Variants in BCL2 observed in about 807,000 individuals in gnomAD.
BCL2 encodes apoptosis regulator Bcl-2.
Under a neutral mutation model 14.2 loss-of-function variants are expected in BCL2, and 1 was observed. The observed-to-expected ratio is 0.07, with a 90% CI of 0.02 to 0.33. BCL2 has a LOEUF of 0.33. Among genes scored for constraint, BCL2 ranks in the 10% least tolerant of loss-of-function variants. BCL2 has a pLI of 0.99. For synonymous variants in BCL2, 151 were observed against 137.2 expected, an observed-to-expected ratio of 1.10 and a Z score of -0.70; for missense variants, 247 against 305.9, an observed-to-expected ratio of 0.81 and a Z score of 1.44.
At chr18:63,223,272 C>A (rs1910453748) in intron 2 of BCL2, among the ~76,000 whole-genome samples, 1 of 152,060 alleles carries the variant, frequency 6.6e-6, no homozygotes, top group African/African-American at 2.4e-5. Flanking sequence ...TGGTGGCGGG[C>A]ACCTGTAGTC....
chr18:63,169,948 T>C (rs1045327209), intron 2 of BCL2, among the ~76,000 whole-genome samples: 2 of 152,192 alleles, frequency 1.3e-5, no homozygotes, highest in Non-Finnish European at 2.9e-5. Context: ...TTTCAATGTT[T>C]TCCTTGCAAC....
At chr18:63,276,028 G>A (rs990610864) in intron 2 of BCL2, among the ~76,000 whole-genome samples, 1 of 152,154 alleles carries the variant, frequency 6.6e-6, no homozygotes, top group African/African-American at 2.4e-5. Context: ...AAGGGTTTAG[G>A]GCACAAAGGA....
intron 2 of BCL2, among the ~76,000 whole-genome samples, chr18:63,191,259 A>T (rs996710960): frequency 3.9e-5 from 6 of 152,178 alleles, no homozygotes; most frequent in Admixed American, 1.3e-4. Flanking sequence ...CTGGTTCTAG[A>T]TCCTTGAGGA....
intron 2 of BCL2, chr18:63,316,718 A>G (rs1024198256): frequency 2.0e-5 from 3 of 152,180 alleles, no homozygotes; most frequent in African/African-American, 7.2e-5. Context: ...CCTTTTCTCT[A>G]TTTGGCCTCC....
intron 2 of BCL2, chr18:63,317,724 G>T (rs1913540801): frequency 8.9e-7 from 1 of 1,124,086 alleles, no homozygotes; most frequent in Non-Finnish European, 1.1e-6. Context: ...CCTCCCTCCG[G>T]TTCCAACAAG....
At chr18:63,290,903 C>T (rs1017605528) in intron 2 of BCL2, among the ~76,000 whole-genome samples, 2 of 152,210 alleles carry the variant, frequency 1.3e-5, no homozygotes, top group African/African-American at 4.8e-5. Context: ...ACTCGGCCCT[C>T]TTTCCCAGGT....
rs938807940 is a variant in BCL2 at position 63,319,512 on chromosome 18, C to A, written c.-625G>T. The A allele has an allele frequency of 5.2e-5, 12 of 229,450 alleles. No individual in the cohort carries two copies. Among genetic ancestry groups the A allele is most frequent in the African/African-American group, 2.4e-4 (11 of 45,060 alleles). 14.2% of individuals were successfully genotyped at this position (229,450 alleles called of 1,614,324 possible). On this transcript the variant is annotated 5_prime_UTR_variant, in exon 1 of 3. Coordinates refer to ENST00000333681, the MANE Select transcript of BCL2 (RefSeq NM_000633.3). ...TCCTGTGATGTTTTCCCCTTCTCGGCAATTTACACGCGCGCACACACGCGC... is the reference window on the plus strand; with the variant it reads ...TCCTGTGATGTTTTCCCCTTCTCGGAAATTTACACGCGCGCACACACGCGC...
chr18:63,242,014 C>T (rs1336630317), intron 2 of BCL2, among the ~76,000 whole-genome samples: 2 of 152,294 alleles, frequency 1.3e-5, no homozygotes, highest in African/African-American at 2.4e-5. Context: ...ATGAGCACCC[C>T]GGCTGACATT....
intron 2 of BCL2, among the ~76,000 whole-genome samples, chr18:63,188,054 C>T (rs577115244): frequency 3.0e-4 from 46 of 152,024 alleles, no homozygotes; most frequent in Non-Finnish European, 5.6e-4. Flanking sequence ...TGTAAGTATA[C>T]GATCAAAGTT....
chr18:63,284,664 C>T (rs140890771), intron 2 of BCL2, among the ~76,000 whole-genome samples: 5 of 152,294 alleles, frequency 3.3e-5, no homozygotes, highest in Non-Finnish European at 5.9e-5. Flanking sequence ...AAGCTACCTT[C>T]AAATGTATGA....
intron 2 of BCL2, among the ~76,000 whole-genome samples, chr18:63,179,423 T>C (rs80030866): frequency 0.2 from 29,724 of 152,130 alleles, 3,734 homozygotes; most frequent in East Asian, 0.36. Context: ...CTAGGGCCCC[T>C]GGGGCTCTCA....
intron 2 of BCL2, among the ~76,000 whole-genome samples, chr18:63,200,153 G>A (rs749653253): frequency 6.6e-6 from 1 of 152,060 alleles, no homozygotes; most frequent in Non-Finnish European, 1.5e-5. Flanking sequence ...CACAAACCTC[G>A]CCTCCCTCAG....
intron 2 of BCL2, among the ~76,000 whole-genome samples, chr18:63,297,425 C>T (rs998274295): frequency 6.6e-6 from 1 of 152,132 alleles, no homozygotes; most frequent in Admixed American, 6.5e-5. Context: ...ATTTTACACT[C>T]CAATCGCATC....
intron 2 of BCL2, among the ~76,000 whole-genome samples, chr18:63,256,345 T>C (rs1267371122): frequency 1.3e-5 from 2 of 152,190 alleles, no homozygotes. Context: ...GCTTCCTAAG[T>C]AACTGGGACT....
chr18:63,318,842 C>T lies in BCL2; in HGVS notation c.-176G>A. 1 of 1,403,284 alleles carries T rather than the reference C, an allele frequency of 7.1e-7. No individual in the cohort carries two copies. Among genetic ancestry groups the T allele is most frequent in the Non-Finnish European group, 9.3e-7 (1 of 1,077,220 alleles). The allele number at this position is 1,403,284 out of a possible 1,614,324, so 86.9% of individuals were successfully genotyped here. A position where few individuals can be genotyped will look rare whatever the true frequency, so the allele number is the denominator to read the frequency against. On this transcript the variant is annotated 5_prime_UTR_variant, in exon 2 of 3. Coordinates refer to ENST00000333681, the MANE Select transcript of BCL2 (RefSeq NM_000633.3). The surrounding 1 kb of genome is among the most constrained non-coding windows in gnomAD (Gnocchi z 7.4). The stretch of plus-strand genomic sequence containing the variant: ...GAACACTTGATTCTGGTGTTTCCCC[C>T]TTGGCATGAGATGCAGGAAATTTTT...
chr18:63,254,578 C>A (rs1911415707), intron 2 of BCL2, among the ~76,000 whole-genome samples: 3 of 151,630 alleles, frequency 2.0e-5, no homozygotes. Context: ...GGAATTCCTT[C>A]TTCTTCTGAT....
At chr18:63,136,074 T>C (rs545287464) in intron 2 of BCL2, among the ~76,000 whole-genome samples, 35 of 152,220 alleles carry the variant, frequency 2.3e-4, no homozygotes, top group African/African-American at 8.4e-4. Context: ...GAATTTCCTC[T>C]CTGTCTCCCT....
chr18:63,242,119 GA>G, intron 2 of BCL2, among the ~76,000 whole-genome samples: 1 of 60,876 alleles, frequency 1.6e-5, no homozygotes, highest in South Asian at 7.6e-4. Flanking sequence ...TTCTAAGAAG[GA>G]AAAAAAAATG....
intron 2 of BCL2, among the ~76,000 whole-genome samples, chr18:63,238,809 C>G (rs1368660978): frequency 6.6e-6 from 1 of 152,184 alleles, no homozygotes; most frequent in African/African-American, 2.4e-5. Context: ...GCTCAGGGAG[C>G]GGAAGGGTAC....
Sources: allele counts gnomAD v4.1 joint callset (sites outside exome capture counted in the v4.1 genomes callset), GRCh38; gene constraint gnomAD v4.1.1; non-coding constraint Gnocchi (gnomAD v3.1); transcripts MANE v1.5; gene names NCBI Gene and HGNC (gene_info 2026-07-23, HGNC 2026-07-21).